MACROD2: variants seen among roughly 807,000 people sequenced by gnomAD.
MACROD2 encodes the protein ADP-ribose glycohydrolase MACROD2.
A neutral mutation model predicts 70.4 loss-of-function variants in MACROD2; 36 were observed. The observed-to-expected ratio is 0.51, with a 90% confidence interval of 0.39 to 0.68. The LOEUF is 0.68. Ranked by LOEUF, MACROD2 falls within the 30% of genes least tolerant of loss-of-function variation. MACROD2 has a pLI of 0.00. For synonymous variants in MACROD2, 172 were observed against 178.8 expected, an observed-to-expected ratio of 0.96 and a Z score of 0.30; for missense variants, 496 against 538.4, an observed-to-expected ratio of 0.92 and a Z score of 0.78.
chr20:15,018,612 CAG>C (rs111668014), intron 5 of MACROD2, among the ~76,000 whole-genome samples: 24,205 of 150,130 alleles, frequency 0.16, 2,107 homozygotes, highest in African/African-American at 0.22. Flanking sequence ...TATAGAGAGA[CAG>C]AGAGAGAGAG....
At chr20:15,008,779 A>G (rs2075059580) in intron 5 of MACROD2, among the ~76,000 whole-genome samples, 1 of 152,136 alleles carries the variant, frequency 6.6e-6, no homozygotes, top group South Asian at 2.1e-4. Flanking sequence ...TATTGCTTAA[A>G]ATAAACTATG....
chr20:15,074,420 TG>T (rs1264184877), intron 5 of MACROD2, among the ~76,000 whole-genome samples: 1 of 152,214 alleles, frequency 6.6e-6, no homozygotes, highest in East Asian at 1.9e-4. Context: ...GGAAGGGGCT[TG>T]GAAGATTGGC....
At chr20:15,857,397 G>A (rs2064369232) in intron 8 of MACROD2, among the ~76,000 whole-genome samples, 1 of 152,196 alleles carries the variant, frequency 6.6e-6, no homozygotes, top group South Asian at 2.1e-4. Context: ...CCATATATCT[G>A]TCTCTCACTG....
chr20:14,216,886 T>C (rs2081627720), intron 3 of MACROD2, among the ~76,000 whole-genome samples: 1 of 152,208 alleles, frequency 6.6e-6, no homozygotes, highest in Non-Finnish European at 1.5e-5. Flanking sequence ...TGAATTCTTT[T>C]ATCAGTTCTA....
chr20:14,413,225 G>A (rs1353848258), intron 3 of MACROD2, among the ~76,000 whole-genome samples: 3 of 148,154 alleles, frequency 2.0e-5, no homozygotes, highest in Admixed American at 1.3e-4. Context: ...AAATATGTAC[G>A]TGCGTGTGTA....
chr20:14,066,828 T>TTTTG (rs2053764580), intron 2 of MACROD2, among the ~76,000 whole-genome samples: 1 of 138,174 alleles, frequency 7.2e-6, no homozygotes. Flanking sequence ...TTTTTTTTTT[T>TTTTG]GAGACAGAGT....
At chr20:14,582,097 C>T (rs974703300) in intron 4 of MACROD2, among the ~76,000 whole-genome samples, 2 of 152,096 alleles carry the variant, frequency 1.3e-5, no homozygotes, top group Non-Finnish European at 2.9e-5. Flanking sequence ...AACTCTCATT[C>T]TAGTTTTTTG....
At chr20:15,254,317 G>A (rs937078212) in intron 6 of MACROD2, among the ~76,000 whole-genome samples, 6 of 152,032 alleles carry the variant, frequency 3.9e-5, no homozygotes, top group African/African-American at 1.2e-4. Context: ...AAATCAAAGC[G>A]TATCAGCCAG....
chr20:15,180,144 C>T (rs2076490195), intron 5 of MACROD2, among the ~76,000 whole-genome samples: 1 of 152,184 alleles, frequency 6.6e-6, no homozygotes, highest in South Asian at 2.1e-4. Context: ...ACTTAACCCC[C>T]TCTTTGAAGG....
chr20:14,233,418 C>T (rs900585390), intron 3 of MACROD2, among the ~76,000 whole-genome samples: 49 of 151,952 alleles, frequency 3.2e-4, no homozygotes, highest in Middle Eastern at 3.4e-3. Context: ...GCTGGCCGGG[C>T]GCGGTGGCTC....
chr20:14,204,995 G>A (rs1414539620), intron 3 of MACROD2, among the ~76,000 whole-genome samples: 5 of 152,162 alleles, frequency 3.3e-5, no homozygotes, highest in Admixed American at 3.3e-4. Flanking sequence ...AGAGAAGGCT[G>A]TAGAGAGAGG....
At chr20:15,795,451 G>A (rs1253289148) in intron 8 of MACROD2, among the ~76,000 whole-genome samples, 4 of 152,006 alleles carry the variant, frequency 2.6e-5, no homozygotes, top group Non-Finnish European at 5.9e-5. Context: ...CACACTCAGA[G>A]CCAAGGGGAG....
chr20:14,752,746 A>G (rs1053868186), intron 5 of MACROD2, among the ~76,000 whole-genome samples: 3 of 152,092 alleles, frequency 2.0e-5, no homozygotes, highest in Non-Finnish European at 4.4e-5. Flanking sequence ...ATTACTTTGC[A>G]GTTCCGCAAA....
At position 15,793,677 on chromosome 20, in the gene MACROD2, T is replaced by C. The variant is rs566371366; in HGVS notation, c.646-69068T>C. On this transcript the variant is annotated intron_variant, in intron 8 of 17. Coordinates refer to ENST00000684519, the MANE Select transcript of MACROD2 (RefSeq NM_001351661.2). ...ATAGACTTAGTGAAATATTAAATTT[T>C]TCTTATATGTATTCCTCCTAGGTAG... Among the ~76,000 whole-genome samples, 19 of 151,548 alleles carry C rather than the reference T, an allele frequency of 1.3e-4. No individual in the cohort carries two copies. In the East Asian group the frequency reaches 3.1e-3, roughly 25 times the overall value.
At position 15,833,545 on chromosome 20, in the gene MACROD2, C is replaced by G. The variant is rs574781023; in HGVS notation, c.646-29200C>G. ...GATCCTGTATTGGCTTTAATTGTTC[C>G]TAATATGAAGGATTGAGAAACGTGC... On this transcript the variant is annotated intron_variant, in intron 8 of 17. Coordinates refer to ENST00000684519, the MANE Select transcript of MACROD2 (RefSeq NM_001351661.2). 6.4e-4 allele frequency among the ~76,000 whole-genome samples: 97 copies of G among 152,164 alleles called. 1 individual carries two copies. Among genetic ancestry groups the G allele is most frequent in the African/African-American group, 2.3e-3 (94 of 41,522 alleles).
chr20:15,620,406 A>G (rs141803974), intron 8 of MACROD2, among the ~76,000 whole-genome samples: 1 of 152,318 alleles, frequency 6.6e-6, no homozygotes, highest in African/African-American at 2.4e-5. Flanking sequence ...ATTGGAGGAA[A>G]AAAATAAAAG....
At chr20:15,152,320 T>C (rs1283990886) in intron 5 of MACROD2, among the ~76,000 whole-genome samples, 1 of 150,888 alleles carries the variant, frequency 6.6e-6, no homozygotes, top group Admixed American at 6.6e-5. Context: ...AGCTTGCCCA[T>C]AGTGAAGGAG....
chr20:15,926,194 G>A (rs2065486572), intron 10 of MACROD2, among the ~76,000 whole-genome samples: 1 of 152,122 alleles, frequency 6.6e-6, no homozygotes, highest in Non-Finnish European at 1.5e-5. Context: ...TCTTATGTCG[G>A]GGCCAGCATC....
At chr20:15,490,365 A>G (rs572074772) in intron 7 of MACROD2, among the ~76,000 whole-genome samples, 6 of 151,766 alleles carry the variant, frequency 4.0e-5, no homozygotes, top group African/African-American at 1.5e-4. Context: ...CCTAGTCTCA[A>G]GCAATCCTCC....
Sources: gnomAD v4.1 joint callset for allele counts (sites outside exome capture counted in the v4.1 genomes callset) on GRCh38, gnomAD v4.1.1 for gene constraint, MANE v1.5 for transcripts, NCBI Gene and HGNC (gene_info 2026-07-23, HGNC 2026-07-21) for gene names.